The following RASAL2 variants were observed in gnomAD, a reference collection of about 807,000 sequenced individuals.
The protein encoded by RASAL2 is ras GTPase-activating protein nGAP.
A neutral mutation model predicts 128.9 loss-of-function variants in RASAL2; 58 were observed. That is an observed-to-expected ratio of 0.45 (90% confidence interval 0.36 to 0.56). The LOEUF is 0.56. Among genes scored for constraint, RASAL2 ranks in the 20% least tolerant of loss-of-function variants. The probability of loss-of-function intolerance (pLI) is 0.00; values close to 1 mark genes in which losing one functional copy is unlikely to be tolerated. For missense variants in RASAL2, 1,360 were observed against 1,601.6 expected (o/e 0.85, Z 2.57); for synonymous variants, 561 against 580.8 (o/e 0.97, Z 0.49).
At chr1:178,438,599 G>T (rs2102827031) in intron 5 of RASAL2, among the ~76,000 whole-genome samples, 1 of 152,074 alleles carries the variant, frequency 6.6e-6, no homozygotes, top group South Asian at 2.1e-4. Flanking sequence ...ACTGGCTCTT[G>T]TAGTGACAAG....
chr1:178,242,423 TTCTCTCTCTCTC>T (rs58914415), intron 1 of RASAL2, among the ~76,000 whole-genome samples: 3,150 of 85,050 alleles, frequency 0.037, 165 homozygotes, highest in Middle Eastern at 0.053. Context: ...TTATAATTCA[TTCTCTCTCTCTC>T]TCTCTCTCTC....
chr1:178,257,832 C>A (rs1183530504), intron 1 of RASAL2, among the ~76,000 whole-genome samples: 7 of 139,710 alleles, frequency 5.0e-5, no homozygotes, highest in African/African-American at 1.8e-4. Context: ...CAGAGTGAGA[C>A]CCTGTCTCAA....
intron 3 of RASAL2, chr1:178,372,234 C>T (rs1671761877): frequency 1.0e-6 from 1 of 985,180 alleles, no homozygotes; most frequent in Non-Finnish European, 1.2e-6. Flanking sequence ...AGTTTTCTGG[C>T]TGGAGAATGA....
intron 3 of RASAL2, among the ~76,000 whole-genome samples, chr1:178,333,437 C>T (rs1669437798): frequency 6.6e-6 from 1 of 152,008 alleles, no homozygotes; most frequent in Non-Finnish European, 1.5e-5. Context: ...TGTTTTTTGT[C>T]AATATGACAT....
At chr1:178,108,631 T>A (rs1052339123) in intron 1 of RASAL2, among the ~76,000 whole-genome samples, 1 of 152,238 alleles carries the variant, frequency 6.6e-6, no homozygotes, top group Non-Finnish European at 1.5e-5. Flanking sequence ...CTCTCAAATC[T>A]GTGCTCTTAA....
intron 1 of RASAL2, among the ~76,000 whole-genome samples, chr1:178,213,574 A>G (rs1044431397): frequency 6.6e-6 from 1 of 152,182 alleles, no homozygotes; most frequent in Non-Finnish European, 1.5e-5. Context: ...ATATACAACA[A>G]TGTGGATGAA....
intron 3 of RASAL2, among the ~76,000 whole-genome samples, chr1:178,313,046 C>T (rs1280821244): frequency 6.6e-6 from 1 of 152,166 alleles, no homozygotes; most frequent in Admixed American, 6.6e-5. Flanking sequence ...CAAAGATAGG[C>T]TTTGAACCCT....
intron 3 of RASAL2, among the ~76,000 whole-genome samples, chr1:178,304,179 A>G (rs1454213079): frequency 1.3e-5 from 2 of 152,186 alleles, no homozygotes; most frequent in East Asian, 3.9e-4. Context: ...TAAGAACTAT[A>G]TAGCCAACTC....
chr1:178,166,067 C>T (rs936560653), intron 1 of RASAL2, among the ~76,000 whole-genome samples: 1 of 152,084 alleles, frequency 6.6e-6, no homozygotes, highest in African/African-American at 2.4e-5. Flanking sequence ...TGTAAGTGTT[C>T]CCTCATCTCA....
In RASAL2 at chr1:178,387,399, G is replaced by C. The variant is rs1237337570; in HGVS notation, c.458-2701G>C. Among the ~76,000 whole-genome samples the C allele has an allele frequency of 3.3e-5, 5 of 151,678 alleles. No homozygotes were observed. The South Asian group carries it at 1.0e-3, about 32-fold the overall frequency. On this transcript the variant is annotated intron_variant, in intron 3 of 17. Coordinates refer to ENST00000367649, the MANE Select transcript of RASAL2 (RefSeq NM_170692.4). The stretch of plus-strand genomic sequence containing the variant: ...TAATTTTATTATTATTATACTTTAA[G>C]TTTTAGGGTACATGTGCACCATGTG...
chr1:178,414,579 T>C (rs913931279), intron 4 of RASAL2, among the ~76,000 whole-genome samples: 1 of 151,952 alleles, frequency 6.6e-6, no homozygotes, highest in African/African-American at 2.4e-5. Context: ...ATTGGAAATC[T>C]TTATATCTTC....
intron 1 of RASAL2, among the ~76,000 whole-genome samples, chr1:178,203,524 C>T (rs1662943382): frequency 6.6e-6 from 1 of 152,178 alleles, no homozygotes; most frequent in Non-Finnish European, 1.5e-5. Context: ...TGGCACCATT[C>T]AGTATCACCC....
At chr1:178,320,757 C>G (rs11584760) in intron 3 of RASAL2, among the ~76,000 whole-genome samples, 99 of 152,162 alleles carry the variant, frequency 6.5e-4, no homozygotes, top group Non-Finnish European at 9.9e-4. Context: ...CGTCTTCTGC[C>G]TCGCTCACGC....
intron 4 of RASAL2, among the ~76,000 whole-genome samples, chr1:178,414,889 T>C (rs1674654155): frequency 6.6e-6 from 1 of 152,174 alleles, no homozygotes; most frequent in African/African-American, 2.4e-5. Flanking sequence ...AATCCCTTTT[T>C]ACCATTTTAA....
intron 1 of RASAL2, among the ~76,000 whole-genome samples, chr1:178,173,282 T>G (rs1230575445): frequency 6.6e-6 from 1 of 152,084 alleles, no homozygotes; most frequent in Admixed American, 6.6e-5. Flanking sequence ...GGGAAAATAG[T>G]TTTAACAGTC....
At chr1:178,461,279 T>G (rs1314074394) in intron 14 of RASAL2, among the ~76,000 whole-genome samples, 1 of 152,196 alleles carries the variant, frequency 6.6e-6, no homozygotes, top group East Asian at 1.9e-4. Context: ...GATTTCTTTG[T>G]GGGGATTGTT....
intron 1 of RASAL2, among the ~76,000 whole-genome samples, chr1:178,201,646 A>G (rs1662875871): frequency 6.6e-6 from 1 of 152,220 alleles, no homozygotes; most frequent in Admixed American, 6.5e-5. Context: ...GTCAAAAGCA[A>G]GGTAAACATA....
At chr1:178,369,776 C>G (rs1671601143) in intron 3 of RASAL2, among the ~76,000 whole-genome samples, 1 of 151,966 alleles carries the variant, frequency 6.6e-6, no homozygotes, top group African/African-American at 2.4e-5. Context: ...ATCTAGTAAA[C>G]AGTTATAAAT....
At chr1:178,374,957 T>C (rs1404907708) in intron 3 of RASAL2, among the ~76,000 whole-genome samples, 1 of 152,118 alleles carries the variant, frequency 6.6e-6, no homozygotes, top group East Asian at 1.9e-4. Context: ...GGCATAGTGT[T>C]TGGCTAGGGA....
Sources: gnomAD v4.1 joint callset for allele counts (sites outside exome capture counted in the v4.1 genomes callset) on GRCh38, gnomAD v4.1.1 for gene constraint, MANE v1.5 for transcripts, NCBI Gene and HGNC (gene_info 2026-07-23, HGNC 2026-07-21) for gene names.